LTBP1: variants seen among roughly 807,000 people sequenced by gnomAD.
LTBP1 encodes latent transforming growth factor beta binding protein 1.
A neutral mutation model predicts 207.6 loss-of-function variants in LTBP1; 129 were observed. The observed-to-expected ratio is 0.62, with a 90% CI of 0.54 to 0.72. LTBP1 has a LOEUF of 0.72. LTBP1 is among the 30% of genes least tolerant of loss of function. The pLI, the probability that LTBP1 is intolerant of heterozygous loss-of-function variation, is 0.00. For missense variants in LTBP1, 2,281 were observed against 2,217.2 expected (o/e 1.03, Z -0.58); for synonymous variants, 963 against 833.7 (o/e 1.16, Z -2.67).
chr2:33,315,020 T>C, intron 23 of LTBP1, 124 bp from the exon 24 acceptor site: 1 of 739,978 alleles, frequency 1.4e-6, no homozygotes, highest in Admixed American at 3.3e-5. Flanking sequence ...GGACAAATGG[T>C]ATAGTTGTTC....
intron 5 of LTBP1, among the ~76,000 whole-genome samples, chr2:33,159,874 CATTTTATTTT>C (rs1190672508): frequency 6.6e-6 from 1 of 152,022 alleles, no homozygotes; most frequent in African/African-American, 2.4e-5. Flanking sequence ...CTAGCAAATT[CATTTTATTTT>C]ATTTTATTTA....
intron 2 of LTBP1, among the ~76,000 whole-genome samples, chr2:32,979,055 T>C (rs1309492060): frequency 1.3e-5 from 2 of 151,974 alleles, no homozygotes; most frequent in Non-Finnish European, 2.9e-5. Context: ...GTAGTTTTTT[T>C]CATCTTTGAT....
At chr2:33,018,722 G>T (rs1352274409) in intron 2 of LTBP1, among the ~76,000 whole-genome samples, 1 of 152,226 alleles carries the variant, frequency 6.6e-6, no homozygotes, top group Non-Finnish European at 1.5e-5. Flanking sequence ...TCTAGAAGCA[G>T]AGTGTGGGAA....
intron 5 of LTBP1, among the ~76,000 whole-genome samples, chr2:33,142,651 C>T (rs2045130): frequency 0.22 from 33,035 of 151,618 alleles, 3,905 homozygotes; most frequent in East Asian, 0.32. Context: ...GGCAGTGGGG[C>T]GGGGGGCAGA....
At position 33,315,592 on chromosome 2, in the gene LTBP1, G is replaced by T. The variant is rs145074219; in HGVS notation, c.3730+323G>T. 5.8e-4 allele frequency among the ~76,000 whole-genome samples: 88 copies of T among 152,298 alleles called. 1 individual carries two copies. In the East Asian group the frequency reaches 0.011, roughly 19 times the overall value. On this transcript the variant is annotated intron_variant, in intron 24 of 33. Coordinates refer to ENST00000404816, the MANE Select transcript of LTBP1 (RefSeq NM_206943.4). Reference sequence around the variant, plus strand: ...AACTGTGGCAACTTCCCTTTCCCCTGGGACTCTGCTTCTTTTGATTGTGCT... The same window carrying T: ...AACTGTGGCAACTTCCCTTTCCCCTTGGACTCTGCTTCTTTTGATTGTGCT...
intron 31 of LTBP1, among the ~76,000 whole-genome samples, chr2:33,371,458 T>A (rs936744667): frequency 6.6e-6 from 1 of 152,214 alleles, no homozygotes; most frequent in Admixed American, 6.5e-5. Context: ...CAGAGCTGTT[T>A]GGGAAACCAA....
intron 3 of LTBP1, among the ~76,000 whole-genome samples, chr2:33,081,259 G>C (rs1008586941): frequency 2.0e-5 from 3 of 152,118 alleles, no homozygotes; most frequent in Admixed American, 6.6e-5. Context: ...AGAAGGGCCA[G>C]GGAAGGTGAG....
intron 24 of LTBP1, among the ~76,000 whole-genome samples, chr2:33,339,132 G>A (rs961299230): frequency 2.6e-5 from 4 of 151,948 alleles, no homozygotes; most frequent in African/African-American, 9.7e-5. Flanking sequence ...TGACAGGGAA[G>A]GACAGAGAAT....
intron 2 of LTBP1, among the ~76,000 whole-genome samples, chr2:32,978,242 C>A (rs952000545): frequency 2.0e-5 from 3 of 152,118 alleles, no homozygotes; most frequent in African/African-American, 7.2e-5. Flanking sequence ...GCTAGAACTC[C>A]CAGTACTATG....
intron 26 of LTBP1, among the ~76,000 whole-genome samples, chr2:33,349,355 C>T (rs779970694): frequency 5.3e-5 from 8 of 151,900 alleles, no homozygotes; most frequent in African/African-American, 1.2e-4. Context: ...GCATGGGAAT[C>T]GCTTGAACAC....
intron 4 of LTBP1, among the ~76,000 whole-genome samples, chr2:33,124,486 T>A (rs1450093472): frequency 6.6e-6 from 1 of 152,232 alleles, no homozygotes; most frequent in Non-Finnish European, 1.5e-5. Context: ...ATGTTCATTA[T>A]GATACCTGTC....
At chr2:33,051,328 G>A (rs1445319714) in intron 3 of LTBP1, among the ~76,000 whole-genome samples, 3 of 152,012 alleles carry the variant, frequency 2.0e-5, no homozygotes, top group Non-Finnish European at 4.4e-5. Flanking sequence ...GAAGTGGGGG[G>A]ATTACTTGAG....
chr2:33,155,227 G>A (rs1479186512), intron 5 of LTBP1, among the ~76,000 whole-genome samples: 1 of 152,036 alleles, frequency 6.6e-6, no homozygotes, highest in Non-Finnish European at 1.5e-5. Context: ...CACCATGCCT[G>A]GCTAATTTTT....
At chr2:33,247,481 A>G (rs2149840947) in intron 10 of LTBP1, among the ~76,000 whole-genome samples, 1 of 152,362 alleles carries the variant, frequency 6.6e-6, no homozygotes, top group Non-Finnish European at 1.5e-5. Flanking sequence ...GTTTTTGAAA[A>G]TAAAGTTTTA....
rs766692344 is a variant in LTBP1, at chr2:33,020,926, T to G, written c.583T>G (p.Cys195Gly). 6.3e-7 allele frequency: 1 copy of G among 1,589,704 alleles called. No homozygotes were observed. Among genetic ancestry groups the G allele is most frequent in the Non-Finnish European group, 8.6e-7 (1 of 1,162,200 alleles). ...RCTKPSCVPPCQNGGMCLRPQ... is the reference protein window; with the variant it reads ...RCTKPSCVPPGQNGGMCLRPQ... ...TTCTGCAGCTAGCTGTGTTCCGCCA[T>G]GTCAGAATGGAGGGATGTGTCTCCG... The change falls in exon 3 of 34, where the codon TGT becomes GGT. Residue 195 changes from cysteine to glycine, a missense_variant. Physicochemically the swap from Cys to Gly is radical, Grantham distance 159. This residue lies in a region of LTBP1 where 555 missense variants were observed against 491.0 expected (regional missense o/e 1.13). Transcript: ENST00000404816.
Position 33,257,496 on chromosome 2 carries a change from G to C in LTBP1, c.2380G>C (p.Val794Leu), listed in dbSNP as rs1558898679. 1 of 1,614,088 alleles carries C rather than the reference G, an allele frequency of 6.2e-7. No individual in the cohort carries two copies. The highest frequency in any genetic ancestry group is 1.1e-5 in the South Asian group (1 of 91,086). Residue 794 changes from valine (V) to leucine (L), a missense_variant, in exon 12 of 34, where the codon GTG becomes CTG. By Grantham distance (32) the Val-to-Leu change is conservative. Coordinates refer to ENST00000404816, the MANE Select transcript of LTBP1 (RefSeq NM_206943.4). ...CTTCTCCCGGGAACACGGGCCAGGA[G>C]TGGCGGAGCCAGAAGGTGAGAGCGG... ...LTFSREHGPG[V>L]AEPEVATAPP... is the part of the protein sequence containing the mutation.
In LTBP1 at chr2:32,947,083, C is replaced by T. The variant is rs548902512; in HGVS notation, c.-242C>T. On this transcript the variant is annotated 5_prime_UTR_variant, in exon 1 of 34. Transcript: ENST00000404816. The stretch of plus-strand genomic sequence containing the variant: ...CCCGCTCCCCTCGCCCCTCCCCGCT[C>T]CCCGGGCTCCGCGCTCCCCACCCCC... 2.0e-3 allele frequency: 621 copies of T among 313,600 alleles called. 11 individuals carry two copies. The East Asian group carries it at 0.028, about 14-fold the overall frequency. 19.4% of individuals were successfully genotyped at this position (313,600 alleles called of 1,614,324 possible). A position where few individuals can be genotyped will look rare whatever the true frequency, so the allele number is the denominator to read the frequency against.
intron 7 of LTBP1, among the ~76,000 whole-genome samples, chr2:33,194,902 A>G (rs1415828880): frequency 6.6e-6 from 1 of 152,224 alleles, no homozygotes; most frequent in Admixed American, 6.5e-5. Flanking sequence ...CAGTGCTCAT[A>G]GGCTGTTCTG....
At chr2:32,998,574 G>A (rs571483966) in intron 2 of LTBP1, among the ~76,000 whole-genome samples, 8 of 127,184 alleles carry the variant, frequency 6.3e-5, no homozygotes, top group Non-Finnish European at 1.2e-4. Context: ...TGTTTGTGTT[G>A]CAAAAAACAT....
Sources: gnomAD v4.1 joint callset for allele counts (sites outside exome capture counted in the v4.1 genomes callset) on GRCh38, gnomAD v4.1.1 for gene constraint, gnomAD v4.1.1 regional missense constraint, MANE v1.5 for transcripts, NCBI Gene and HGNC (gene_info 2026-07-23, HGNC 2026-07-21) for gene names.